Variants in IHH observed in about 807,000 individuals in gnomAD.
IHH encodes the protein indian hedgehog protein.
IHH carries 9 observed loss-of-function variants against 29.4 expected under a neutral mutation model. The observed-to-expected ratio is 0.31, with a 90% CI of 0.18 to 0.53. IHH has a LOEUF of 0.53. Among genes scored for constraint, IHH ranks in the 20% least tolerant of loss-of-function variants. IHH has a pLI of 0.95. For synonymous variants in IHH, 254 were observed against 252.7 expected (o/e 1.01, Z -0.05); for missense variants, 454 against 578.1 (o/e 0.79, Z 2.20).
chr2:219,060,087 GT>G lies in IHH; in HGVS notation c.315+65del. The G allele has an allele frequency of 7.3e-7, 1 of 1,378,322 alleles. No homozygotes were observed. Among genetic ancestry groups the G allele is most frequent in the Admixed American group, 1.8e-5 (1 of 54,768 alleles). The allele number at this position is 1,378,322 out of a possible 1,614,324, so 85.4% of individuals were successfully genotyped here. ...GCCAGTCGAGAAAATGTGCCAGGGG[GT>G]GGGTAGGGCCGGGCAGGTGGCCGTG... On this transcript the variant is annotated intron_variant, in intron 1 of 2. Transcript: ENST00000295731. The surrounding 1 kb of genome is among the most constrained non-coding windows in gnomAD (Gnocchi z 8.8).
chr2:219,057,751 C>G (rs1042915775), intron 1 of IHH, 57 bp from the exon 2 acceptor site: 42 of 1,595,094 alleles, frequency 2.6e-5, no homozygotes, highest in Non-Finnish European at 3.4e-5. Context: ...AGGAGCCGGC[C>G]GAGGTGCAGG....
In IHH at chr2:219,055,522, A is replaced by G; in HGVS notation, c.921T>C (p.Ala307=). The change falls in exon 3 of 3, where the codon GCT becomes GCC. Residue 307 remains alanine, a synonymous_variant. Coordinates refer to ENST00000295731, the MANE Select transcript of IHH (RefSeq NM_002181.4). ...HVQPGQYVLV[A]GVPGLQPARV... is the part of the protein sequence containing the mutation. ...GGGCAGGCTGCAGGCCTGGCACCCCAGCCACCAGCACGTACTGGCCAGGCT... is the reference window on the plus strand; with the variant it reads ...GGGCAGGCTGCAGGCCTGGCACCCCGGCCACCAGCACGTACTGGCCAGGCT... 1 of 1,611,238 alleles carries G rather than the reference A, an allele frequency of 6.2e-7. No homozygotes were observed. Among genetic ancestry groups the G allele is most frequent in the South Asian group, 1.1e-5 (1 of 91,036 alleles).
chr2:219,054,976 G>A lies in IHH; in HGVS notation c.*231C>T, dbSNP rs1053404479. 2.2e-5 allele frequency: 13 copies of A among 587,956 alleles called. No homozygotes were observed. The highest frequency in any genetic ancestry group is 9.1e-5 in the Admixed American group (3 of 32,958). 36.4% of individuals were successfully genotyped at this position (587,956 alleles called of 1,614,324 possible). The stretch of plus-strand genomic sequence containing the variant: ...GCCTCAAGGTCTCTAGGAGAGAGGG[G>A]TCAACAACCATCCCCTCGCCAGCTC... On this transcript the variant is annotated 3_prime_UTR_variant, in exon 3 of 3. Transcript: ENST00000295731.
chr2:219,057,474 T>G lies in IHH; in HGVS notation c.536A>C (p.Tyr179Ser). The change falls in exon 2 of 3, where the codon TAT becomes TCT. Residue 179 changes from tyrosine (Y) to serine (S), a missense_variant. This residue lies in a region of IHH where 70 missense variants were observed against 140.1 expected (regional missense o/e 0.50). Transcript: ENST00000295731. Reference sequence around the variant, plus strand: ...ATGCACGTGGGCCTTTGACTCGTAATACACCCAGTCAAAGCCGGCCTCCAC... The same window carrying G: ...ATGCACGTGGGCCTTTGACTCGTAAGACACCCAGTCAAAGCCGGCCTCCAC... ...LAVEAGFDWV[Y>S]YESKAHVHCS... The G allele has an allele frequency of 6.2e-7, 1 of 1,607,300 alleles. No individual in the cohort carries two copies. Among genetic ancestry groups the G allele is most frequent in the Non-Finnish European group, 8.5e-7 (1 of 1,177,008 alleles).
intron 2 of IHH, among the ~76,000 whole-genome samples, chr2:219,056,826 C>T (rs990007174): frequency 1.3e-5 from 2 of 152,200 alleles, no homozygotes; most frequent in African/African-American, 2.4e-5. Flanking sequence ...GGCCCCAGTG[C>T]CTGCCAATTC....
intron 2 of IHH, among the ~76,000 whole-genome samples, chr2:219,056,092 C>A (rs1052069244): frequency 1.3e-5 from 2 of 151,964 alleles, no homozygotes; most frequent in African/African-American, 4.8e-5. Flanking sequence ...CCCTCCCCAG[C>A]CTAATACCTT....
At position 219,055,691 on chromosome 2, in the gene IHH, G is replaced by A; in HGVS notation, c.752C>T (p.Pro251Leu). The A allele has an allele frequency of 6.2e-7, 1 of 1,613,756 alleles. No individual in the cohort carries two copies. Residue 251 changes from proline (P) to leucine (L), a missense_variant, in exon 3 of 3, where the codon CCT becomes CTT. Transcript: ENST00000295731. The stretch of plus-strand genomic sequence containing the variant: ...GACCTGGAAGGCTCTCAGCCTGTGA[G>A]GCTCGCGGTCCAGGAAAATGAGCAC... ...SDVLIFLDRE[P>L]HRLRAFQVIE... is the part of the protein sequence containing the mutation.
At position 219,055,304 on chromosome 2, in the gene IHH, C is replaced by T. The variant is rs772724697; in HGVS notation, c.1139G>A (p.Gly380Asp). The T allele has an allele frequency of 4.2e-5, 68 of 1,612,684 alleles. No individual in the cohort carries two copies. Among genetic ancestry groups the T allele is most frequent in the Admixed American group, 6.7e-5 (4 of 59,986 alleles). Residue 380 changes from glycine to aspartate, a missense_variant, in exon 3 of 3, where the codon GGT becomes GAT. By Grantham distance (94) the Gly-to-Asp change is moderately conservative (BLOSUM62 -1). Transcript: ENST00000295731. ...LAWGSWTPGEGVHWYPQLLYR... is the reference protein window; with the variant it reads ...LAWGSWTPGEDVHWYPQLLYR... ...GAGCAGCTGGGGGTACCAATGCACA[C>T]CCTCCCCCGGAGTCCAGCTGCCCCA...
In IHH at chr2:219,060,533, G is replaced by C. The variant is rs961103388; in HGVS notation, c.-66C>G. ...TGGGCTGATGGGCAGGCGCGTCGAC[G>C]GGAGCGCTGCGGGGGCTCAGGCGTC... is the stretch of plus-strand genomic sequence containing the variant. On this transcript the variant is annotated 5_prime_UTR_variant, in exon 1 of 3. Transcript: ENST00000295731. This position sits in a 1 kb window ranked among gnomAD's most constrained non-coding sequence, Gnocchi z 8.8. 14 of 1,210,594 alleles carry C rather than the reference G, an allele frequency of 1.2e-5. No homozygotes were observed. The highest frequency in any genetic ancestry group is 3.1e-5 in the East Asian group (1 of 32,262). The allele number at this position is 1,210,594 out of a possible 1,614,324, so 75.0% of individuals were successfully genotyped here.
rs754864301 is a variant in IHH at position 219,055,455 on chromosome 2, C to T, written c.988G>A (p.Ala330Thr). 3.7e-6 allele frequency: 6 copies of T among 1,611,458 alleles called. No homozygotes were observed. The highest frequency in any genetic ancestry group is 1.7e-4 in the Middle Eastern group (1 of 6,058). ...AGTGTCCCATGCTTTGTGAGCGGGG[C>T]GTAGGCCCCGAGGGCCACGTGTGTA... ...VSTHVALGAY[A>T]PLTKHGTLVV... The change falls in exon 3 of 3, where the codon GCC (alanine) becomes ACC (threonine). Residue 330 changes from alanine to threonine, a missense_variant. Coordinates refer to ENST00000295731, the MANE Select transcript of IHH (RefSeq NM_002181.4).
In IHH at chr2:219,057,491, G is replaced by C. The variant is rs775039127; in HGVS notation, c.519C>G (p.Ala173=). 28 of 1,612,388 alleles carry C rather than the reference G, an allele frequency of 1.7e-5. No individual in the cohort carries two copies. In the East Asian group the frequency reaches 6.0e-4, roughly 35 times the overall value. The change falls in exon 2 of 3, where the codon GCC becomes GCG. Residue 173 remains alanine (A), a synonymous_variant. Transcript: ENST00000295731. ...YGLLARLAVE[A]GFDWVYYESK... The stretch of plus-strand genomic sequence containing the variant: ...ACTCGTAATACACCCAGTCAAAGCC[G>C]GCCTCCACTGCCAAGCGCGCCAGCA...
Position 219,059,235 on chromosome 2 carries a change from G to A in IHH, c.315+918C>T, listed in dbSNP as rs998598553. On this transcript the variant is annotated intron_variant, in intron 1 of 2. Transcript: ENST00000295731. This position sits in a 1 kb window ranked among gnomAD's most constrained non-coding sequence, Gnocchi z 4.7. Reference sequence around the variant, plus strand: ...CCTGAGTCTAGCTGCTCTTCCCAACGGATCTAGAAAGCCAGGGGCCTGCTT... The same window carrying A: ...CCTGAGTCTAGCTGCTCTTCCCAACAGATCTAGAAAGCCAGGGGCCTGCTT... 2.0e-5 allele frequency among the ~76,000 whole-genome samples: 3 copies of A among 152,252 alleles called. No individual in the cohort carries two copies. The highest frequency in any genetic ancestry group is 4.4e-5 in the Non-Finnish European group (3 of 68,042).
In IHH at chr2:219,060,170, C is replaced by T. The variant is rs121917855; in HGVS notation, c.298G>A (p.Asp100Asn). 1.9e-6 allele frequency: 3 copies of T among 1,610,800 alleles called. No individual in the cohort carries two copies. Among genetic ancestry groups the T allele is most frequent in the Non-Finnish European group, 2.5e-6 (3 of 1,178,396 alleles). Residue 100 changes from aspartate (D) to asparagine (N), a missense_variant, in exon 1 of 3, where the codon GAC becomes AAC. Transcript: ENST00000295731. The surrounding 1 kb of genome is among the most constrained non-coding windows in gnomAD (Gnocchi z 8.8). ...GCGCTCACCTGGGTCATGAGGCGGT[C>T]GGCGCCTGTGTTCTCCTCGTCCTTG... ...IFKDEENTGA[D>N]RLMTQRCKDR...
At position 219,057,337 on chromosome 2, in the gene IHH, C is replaced by T. The variant is rs558276340; in HGVS notation, c.577+96G>A. The T allele has an allele frequency of 2.7e-5, 37 of 1,354,096 alleles. No individual in the cohort carries two copies. In the Admixed American group the frequency reaches 7.9e-4, roughly 29 times the overall value. The allele number at this position is 1,354,096 out of a possible 1,614,324, so 83.9% of individuals were successfully genotyped here. A position where few individuals can be genotyped will look rare whatever the true frequency, so the allele number is the denominator to read the frequency against. ...GTCCTCTTCCCCCGGATCCCTGCCTCCATCCCCGGGCGGGCTCTTCACCTT... is the reference window on the plus strand; with the variant it reads ...GTCCTCTTCCCCCGGATCCCTGCCTTCATCCCCGGGCGGGCTCTTCACCTT... On this transcript the variant is annotated intron_variant, in intron 2 of 2. Coordinates refer to ENST00000295731, the MANE Select transcript of IHH (RefSeq NM_002181.4).
chr2:219,055,274 C>T lies in IHH; in HGVS notation c.1169G>A (p.Arg390His), dbSNP rs150661368. 273 of 1,610,656 alleles carry T rather than the reference C, an allele frequency of 1.7e-4. No individual in the cohort carries two copies. Among genetic ancestry groups the T allele is most frequent in the Non-Finnish European group, 2.1e-4 (247 of 1,178,950 alleles). ...CTCTTCTAGCAGGAGACGCCCCAGGCGGTAGAGCAGCTGGGGGTACCAATG... is the reference window on the plus strand; with the variant it reads ...CTCTTCTAGCAGGAGACGCCCCAGGTGGTAGAGCAGCTGGGGGTACCAATG... ...GVHWYPQLLY[R>H]LGRLLLEEGS... is the part of the protein sequence containing the mutation. The change falls in exon 3 of 3, where the codon CGC (arginine) becomes CAC (histidine). Residue 390 changes from arginine (R) to histidine (H), a missense_variant. This residue lies in a region of IHH where 271 missense variants were observed against 315.9 expected (regional missense o/e 0.86). Coordinates refer to ENST00000295731, the MANE Select transcript of IHH (RefSeq NM_002181.4).
Position 219,054,618 on chromosome 2 carries a change from C to G in IHH, c.*589G>C, listed in dbSNP as rs537365256. On this transcript the variant is annotated 3_prime_UTR_variant, in exon 3 of 3. Transcript: ENST00000295731. ...GCAAGCACATCCAACCCACCTCCCC[C>G]AGTCCCCGGCACTACGGTCACATTG... 2.0e-5 allele frequency: 3 copies of G among 153,282 alleles called. No homozygotes were observed. Among genetic ancestry groups the G allele is most frequent in the African/African-American group, 7.2e-5 (3 of 41,552 alleles). 9.5% of individuals were successfully genotyped at this position (153,282 alleles called of 1,614,324 possible).
rs1438858849 is a variant in IHH, at chr2:219,060,021, G to A, written c.315+132C>T. ...GCCAGCCCATCTTGGGCAGGAGGCA[G>A]CGGGGCTTGGCGAGAGGGGCAGGTG... On this transcript the variant is annotated intron_variant, in intron 1 of 2. Transcript: ENST00000295731. The surrounding 1 kb of genome is among the most constrained non-coding windows in gnomAD (Gnocchi z 8.8). 6.3e-6 allele frequency: 5 copies of A among 791,422 alleles called. No homozygotes were observed. Among genetic ancestry groups the A allele is most frequent in the Non-Finnish European group, 8.0e-6 (4 of 497,138 alleles). 49.0% of individuals were successfully genotyped at this position (791,422 alleles called of 1,614,324 possible).
rs76578869 is a variant in IHH at position 219,055,474 on chromosome 2, G to C, written c.969C>G (p.His323Gln). The C allele has an allele frequency of 6.2e-7, 1 of 1,610,648 alleles. No homozygotes were observed. ...GCGGGGCGTAGGCCCCGAGGGCCACGTGTGTAGAGACAGCTGCCACGCGGG... is the reference window on the plus strand; with the variant it reads ...GCGGGGCGTAGGCCCCGAGGGCCACCTGTGTAGAGACAGCTGCCACGCGGG... ...QPARVAAVST[H>Q]VALGAYAPLT... is the part of the protein sequence containing the mutation. The change falls in exon 3 of 3, where the codon CAC becomes CAG. Residue 323 changes from histidine to glutamine, a missense_variant. By Grantham distance (24) the His-to-Gln change is conservative (BLOSUM62 0). Around this residue, in one of 3 missense-constraint regions of IHH, gnomAD observed 271 missense variants for 315.9 expected, o/e 0.86. Coordinates refer to ENST00000295731, the MANE Select transcript of IHH (RefSeq NM_002181.4).
At chr2:219,058,256 G>A (rs1345056324) in intron 1 of IHH, among the ~76,000 whole-genome samples, 1 of 152,164 alleles carries the variant, frequency 6.6e-6, no homozygotes, top group Non-Finnish European at 1.5e-5. Context: ...GCTTCAGGGG[G>A]TGTGTTGGAG....
Sources: gnomAD v4.1 joint callset for allele counts (sites outside exome capture counted in the v4.1 genomes callset) on GRCh38, gnomAD v4.1.1 for gene constraint, gnomAD v4.1.1 regional missense constraint, Gnocchi (gnomAD v3.1) non-coding constraint, MANE v1.5 for transcripts, NCBI Gene and HGNC (gene_info 2026-07-23, HGNC 2026-07-21) for gene names.